The following CPN1 variants were observed in gnomAD, a reference collection of about 807,000 sequenced individuals.
CPN1 encodes the protein carboxypeptidase N subunit 1, also known as carboxypeptidase N catalytic chain.
Under a neutral mutation model 46.4 loss-of-function variants are expected in CPN1, and 37 were observed. The ratio of observed to expected loss-of-function variants is 0.80; its 90% CI spans 0.61 to 1.05. CPN1 has a LOEUF of 1.05. Ranked by LOEUF, CPN1 falls within the 50% of genes least tolerant of loss-of-function variation. CPN1 has a pLI of 0.00. For synonymous variants in CPN1, 224 were observed against 235.4 expected (o/e 0.95, Z 0.44); for missense variants, 563 against 602.6 (o/e 0.93, Z 0.69).
chr10:100,072,461 C>A (rs965240306), intron 2 of CPN1, among the ~76,000 whole-genome samples: 4 of 152,158 alleles, frequency 2.6e-5, no homozygotes, highest in African/African-American at 9.7e-5. Context: ...TGAGCCACTA[C>A]GGCCTTATGT....
intron 2 of CPN1, among the ~76,000 whole-genome samples, chr10:100,075,319 T>A (rs1337025131): frequency 6.6e-6 from 1 of 152,136 alleles, no homozygotes; most frequent in African/African-American, 2.4e-5. Context: ...ACATTTTTTC[T>A]TATCGGTCCC....
chr10:100,053,014 C>T (rs562749726), intron 7 of CPN1, among the ~76,000 whole-genome samples: 6 of 152,204 alleles, frequency 3.9e-5, no homozygotes, highest in African/African-American at 1.4e-4. Context: ...AGGATGATTC[C>T]TACGACTCAG....
chr10:100,057,539 G>A (rs181017008), intron 5 of CPN1, among the ~76,000 whole-genome samples: 34 of 152,210 alleles, frequency 2.2e-4, no homozygotes, highest in Admixed American at 5.2e-4. Flanking sequence ...TTGTTGAGTG[G>A]TGATTAGTCG....
At chr10:100,066,283 T>A (rs1467595486) in intron 3 of CPN1, among the ~76,000 whole-genome samples, 1 of 152,196 alleles carries the variant, frequency 6.6e-6, no homozygotes, top group Non-Finnish European at 1.5e-5. Flanking sequence ...AGAGATATCA[T>A]GATTGGAGAG....
intron 1 of CPN1, among the ~76,000 whole-genome samples, chr10:100,077,486 C>A (rs1214921704): frequency 6.6e-6 from 1 of 152,146 alleles, no homozygotes; most frequent in South Asian, 2.1e-4. Flanking sequence ...CCGCCTTGGC[C>A]TCCCAAAGTG....
intron 3 of CPN1, among the ~76,000 whole-genome samples, chr10:100,066,574 A>G (rs1327732969): frequency 2.0e-5 from 3 of 152,230 alleles, no homozygotes; most frequent in Non-Finnish European, 4.4e-5. Flanking sequence ...TTTCTATTGC[A>G]TATTATATTG....
Position 100,081,455 on chromosome 10 carries a change from C to A in CPN1, c.171G>T (p.Gly57=), listed in dbSNP as rs200987064. ...TGAACTCCAGCACGTAGAGGTGTCT[C>A]CCCTCCACGCTGCGCCCAATGCTGT... ...RVYSIGRSVE[G]RHLYVLEFSD... The change falls in exon 1 of 9, where the codon GGG becomes GGT. Residue 57 remains glycine, a synonymous_variant. Coordinates refer to ENST00000370418, the MANE Select transcript of CPN1 (RefSeq NM_001308.3). 8.1e-6 allele frequency: 13 copies of A among 1,613,968 alleles called. No homozygotes were observed. The East Asian group carries it at 2.7e-4, about 33-fold the overall frequency.
chr10:100,051,197 T>C (rs1398631253), intron 7 of CPN1, among the ~76,000 whole-genome samples: 1 of 152,202 alleles, frequency 6.6e-6, no homozygotes, highest in African/African-American at 2.4e-5. Flanking sequence ...TATATAGCAA[T>C]GAATATTTGA....
chr10:100,068,861 T>G (rs546417613), intron 3 of CPN1, among the ~76,000 whole-genome samples: 26 of 138,720 alleles, frequency 1.9e-4, no homozygotes, highest in Non-Finnish European at 3.6e-4. Context: ...TATAGCTAAT[T>G]GTTGGTAAGC....
At chr10:100,042,899 C>G (rs1341671637) in intron 8 of CPN1, among the ~76,000 whole-genome samples, 1 of 151,830 alleles carries the variant, frequency 6.6e-6, no homozygotes, top group Admixed American at 6.6e-5. Context: ...CAAGACCACA[C>G]CGGGCAATAT....
intron 8 of CPN1, among the ~76,000 whole-genome samples, chr10:100,046,439 T>C (rs1009365454): frequency 6.6e-6 from 1 of 151,944 alleles, no homozygotes; most frequent in African/African-American, 2.4e-5. Context: ...ACCACTGCCC[T>C]CCAGCCTGGG....
intron 5 of CPN1, among the ~76,000 whole-genome samples, chr10:100,061,955 C>T (rs2041421174): frequency 6.6e-6 from 1 of 152,110 alleles, no homozygotes; most frequent in Non-Finnish European, 1.5e-5. Flanking sequence ...ATCCTCCCAC[C>T]TCAGCCTCTC....
At chr10:100,070,432 A>G (rs568441957) in intron 2 of CPN1, among the ~76,000 whole-genome samples, 1 of 152,288 alleles carries the variant, frequency 6.6e-6, no homozygotes, top group African/African-American at 2.4e-5. Flanking sequence ...CAATGGGCCA[A>G]GAACATGCCA....
At chr10:100,078,829 T>C (rs1236987136) in intron 1 of CPN1, among the ~76,000 whole-genome samples, 1 of 152,176 alleles carries the variant, frequency 6.6e-6, no homozygotes, top group Non-Finnish European at 1.5e-5. Flanking sequence ...CCCAGATCTT[T>C]ACCAGGGCCT....
At chr10:100,067,713 G>T (rs1407246858) in intron 3 of CPN1, among the ~76,000 whole-genome samples, 3 of 152,206 alleles carry the variant, frequency 2.0e-5, no homozygotes, top group Non-Finnish European at 2.9e-5. Flanking sequence ...CCCACCAGCA[G>T]GGTGAAACCA....
intron 2 of CPN1, 23 bp downstream of exon 2, chr10:100,075,888 G>C: frequency 6.2e-7 from 1 of 1,612,478 alleles, no homozygotes; most frequent in Non-Finnish European, 8.5e-7. Flanking sequence ...ATCTCTCCCC[G>C]GCATCTCCCT....
chr10:100,060,486 G>A (rs1231181517), intron 5 of CPN1, among the ~76,000 whole-genome samples: 2 of 152,054 alleles, frequency 1.3e-5, no homozygotes, highest in African/African-American at 4.8e-5. Context: ...CGCTTGAGCC[G>A]GGAGGCAGAG....
chr10:100,075,909 A>G lies in CPN1; in HGVS notation c.420+2T>C. On this transcript the variant is annotated splice_donor_variant, in intron 2 of 8. Coordinates refer to ENST00000370418, the MANE Select transcript of CPN1 (RefSeq NM_001308.3). LOFTEE classifies it high-confidence loss of function. ...CCCCGGCATCTCCCTTGGACCTCGT[A>G]CCTGGGCAGCAGCCACCTCGTAGCC... 6.2e-7 allele frequency: 1 copy of G among 1,613,878 alleles called. No individual in the cohort carries two copies. The highest frequency in any genetic ancestry group is 1.1e-5 in the South Asian group (1 of 91,058).
chr10:100,052,205 G>T (rs2041358925), intron 7 of CPN1, among the ~76,000 whole-genome samples: 1 of 152,088 alleles, frequency 6.6e-6, no homozygotes, highest in African/African-American at 2.4e-5. Context: ...TGAGTAGCTG[G>T]GATCACAGGC....
Sources: gnomAD v4.1 joint callset for allele counts (sites outside exome capture counted in the v4.1 genomes callset) on GRCh38, gnomAD v4.1.1 for gene constraint, MANE v1.5 for transcripts, NCBI Gene and HGNC (gene_info 2026-07-23, HGNC 2026-07-21) for gene names.